Variants in TBC1D30 observed in about 807,000 individuals in gnomAD.
TBC1D30 encodes TBC1 domain family member 30, also known as TBC1 domain family, member 30.
In TBC1D30, 31 loss-of-function variants were observed where a neutral mutation model predicts 63.2. That is an observed-to-expected ratio of 0.49 (90% confidence interval 0.37 to 0.66). The LOEUF is 0.66. Ranked by LOEUF, TBC1D30 falls within the 30% of genes least tolerant of loss-of-function variation. TBC1D30 has a pLI of 0.00. For synonymous variants in TBC1D30, 307 were observed against 361.5 expected, an observed-to-expected ratio of 0.85 and a Z score of 1.71; for missense variants, 810 against 953.6, an observed-to-expected ratio of 0.85 and a Z score of 1.98.
chr12:64,863,257 C>T (rs1162150060), intron 8 of TBC1D30, among the ~76,000 whole-genome samples: 2 of 152,198 alleles, frequency 1.3e-5, no homozygotes, highest in African/African-American at 4.8e-5. Context: ...TTATTCCCAT[C>T]TCTCCTCTCA....
At chr12:64,852,434 T>G (rs1876953217) in intron 8 of TBC1D30, among the ~76,000 whole-genome samples, 1 of 152,064 alleles carries the variant, frequency 6.6e-6, no homozygotes, top group Non-Finnish European at 1.5e-5. Flanking sequence ...AGCTTCATGG[T>G]TCTTTAGCTC....
chr12:64,817,794 G>A (rs1873637163), intron 2 of TBC1D30, among the ~76,000 whole-genome samples: 1 of 152,158 alleles, frequency 6.6e-6, no homozygotes, highest in African/African-American at 2.4e-5. Context: ...CCTGGCACAT[G>A]GCTCATGCCT....
chr12:64,866,953 C>T (rs1318354899), intron 10 of TBC1D30, 50 bp downstream of exon 10: 2 of 1,524,786 alleles, frequency 1.3e-6, no homozygotes, highest in South Asian at 1.2e-5. Flanking sequence ...TGGTTTACTA[C>T]AATAAGAGTG....
Position 64,804,162 on chromosome 12 carries a change from T to G in TBC1D30, c.643+18117T>G, listed in dbSNP as rs1186505856. Among the ~76,000 whole-genome samples the G allele has an allele frequency of 2.0e-5, 3 of 152,374 alleles. No individual in the cohort carries two copies. The East Asian group carries it at 5.8e-4, about 29-fold the overall frequency. On this transcript the variant is annotated intron_variant, in intron 2 of 12. Transcript: ENST00000542120. The stretch of plus-strand genomic sequence containing the variant: ...TTCCATTTGTTTGTGTCCTCTTTTA[T>G]TTCGTTGAGCAGTGGTTTATAGTTA...
At chr12:64,848,501 A>T (rs958372127) in intron 8 of TBC1D30, among the ~76,000 whole-genome samples, 4 of 151,648 alleles carry the variant, frequency 2.6e-5, no homozygotes, top group African/African-American at 9.7e-5. Context: ...TTCAGCTCCC[A>T]CTTATAAGTG....
chr12:64,786,475 G>C (rs113061826), intron 2 of TBC1D30, among the ~76,000 whole-genome samples: 1 of 152,060 alleles, frequency 6.6e-6, no homozygotes, highest in East Asian at 2.0e-4. Context: ...GGAACTACAG[G>C]CGCCCGCCAC....
chr12:64,784,931 A>T (rs12314376), intron 1 of TBC1D30, among the ~76,000 whole-genome samples: 2,546 of 152,160 alleles, frequency 0.017, 31 homozygotes, highest in Middle Eastern at 0.054. Flanking sequence ...ATTGTAATTT[A>T]TCTGTGTAAA....
chr12:64,781,126 G>A, exon 1 of TBC1D30: 4 of 1,007,574 alleles, frequency 4.0e-6, no homozygotes, highest in Non-Finnish European at 3.5e-6. Context: ...GCGGGGCCGA[G>A]GGCCGCCGGC....
Position 64,819,406 on chromosome 12 carries a change from CTTTTTTTTTTTTTT to C in TBC1D30, c.644-8415_644-8402del, listed in dbSNP as rs55757950. Among the ~76,000 whole-genome samples the C allele has an allele frequency of 2.6e-4, 20 of 78,022 alleles. No homozygotes were observed. The South Asian group carries it at 2.8e-3, about 11-fold the overall frequency. 51.2% of individuals were successfully genotyped at this position (78,022 alleles called of 152,430 possible). A position where few individuals can be genotyped will look rare whatever the true frequency, so the allele number is the denominator to read the frequency against. Reference sequence around the variant, plus strand: ...CTTGGATAATGAATTGAAGGAACTACTTTTTTTTTTTTTTTTTTTTTTTTTTTGAAATGGAGTCT... The same window carrying C: ...CTTGGATAATGAATTGAAGGAACTACTTTTTTTTTTTTTGAAATGGAGTCT... On this transcript the variant is annotated intron_variant, in intron 2 of 12. Transcript: ENST00000542120.
At chr12:64,764,505 A>G (rs1357766126) in intron 1 of TBC1D30, among the ~76,000 whole-genome samples, 1 of 152,238 alleles carries the variant, frequency 6.6e-6, no homozygotes, top group Non-Finnish European at 1.5e-5. Context: ...TGCTAAAAAC[A>G]ACTAGAAAAC....
intron 2 of TBC1D30, among the ~76,000 whole-genome samples, chr12:64,808,899 A>G (rs1873040558): frequency 6.6e-6 from 1 of 152,180 alleles, no homozygotes; most frequent in East Asian, 1.9e-4. Context: ...TTAAGGCTGA[A>G]TAATATCCCA....
At chr12:64,765,143 C>T (rs532842877) in intron 1 of TBC1D30, among the ~76,000 whole-genome samples, 76 of 152,254 alleles carry the variant, frequency 5.0e-4, no homozygotes, top group Non-Finnish European at 7.2e-4. Context: ...GGGAAGACTA[C>T]GAAACCTAGA....
chr12:64,761,424 C>T (rs1870508595), intron 1 of TBC1D30, among the ~76,000 whole-genome samples: 1 of 152,100 alleles, frequency 6.6e-6, no homozygotes, highest in African/African-American at 2.4e-5. Flanking sequence ...GCTGCATTCC[C>T]AGATGGTTAT....
In TBC1D30 at chr12:64,875,199, G is replaced by A. The variant is rs993038766; in HGVS notation, c.1697G>A (p.Arg566Gln). The part of the protein sequence containing the change: ...DLKTKLNSPW[R>Q]THIRVHKKNM... ...AAGACGAAGCTCAACTCCCCGTGGC[G>A]AACTCACATCCGAGTCCACAAAAAG... Residue 566 changes from arginine to glutamine, a missense_variant, in exon 12 of 12, where the codon CGA (arginine) becomes CAA (glutamine). Transcript: ENST00000539867. 12 of 1,536,208 alleles carry A rather than the reference G, an allele frequency of 7.8e-6. No individual in the cohort carries two copies. Among genetic ancestry groups the A allele is most frequent in the Admixed American group, 2.0e-5 (1 of 50,978 alleles).
intron 5 of TBC1D30, 29 bp downstream of exon 5, chr12:64,832,333 G>T (rs1211547967): frequency 1.3e-6 from 2 of 1,522,454 alleles, no homozygotes; most frequent in Non-Finnish European, 1.8e-6. Flanking sequence ...CAAAGGCCAT[G>T]GACATTCTTC....
intron 2 of TBC1D30, among the ~76,000 whole-genome samples, chr12:64,791,142 A>T (rs1409844310): frequency 6.6e-6 from 1 of 152,256 alleles, no homozygotes; most frequent in African/African-American, 2.4e-5. Flanking sequence ...TACATCATGG[A>T]TAAACCTTGA....
intron 7 of TBC1D30, among the ~76,000 whole-genome samples, chr12:64,839,921 C>A (rs1026418233): frequency 6.9e-6 from 1 of 145,372 alleles, no homozygotes; most frequent in African/African-American, 2.6e-5. Context: ...AGGAGAATGG[C>A]GTGAACCCAG....
chr12:64,792,200 T>C (rs905229101), intron 2 of TBC1D30, among the ~76,000 whole-genome samples: 21 of 152,260 alleles, frequency 1.4e-4, no homozygotes, highest in African/African-American at 5.1e-4. Context: ...TGTATACATG[T>C]GGATATTCAC....
In TBC1D30 at chr12:64,876,797, G is replaced by A. The variant is rs1879117695; in HGVS notation, c.*1009G>A. The A allele has an allele frequency of 1.8e-5, 8 of 456,078 alleles. No individual in the cohort carries two copies. The highest frequency in any genetic ancestry group is 9.3e-5 in the South Asian group (6 of 64,558). 28.3% of individuals were successfully genotyped at this position (456,078 alleles called of 1,614,324 possible). A position where few individuals can be genotyped will look rare whatever the true frequency, so the allele number is the denominator to read the frequency against. ...CTGCCTTTCTCTGGAGAAGGCCCCA[G>A]TGCTTTCTAGCTCCCTCTCACTCCT... On this transcript the variant is annotated 3_prime_UTR_variant, in exon 12 of 12. Coordinates refer to ENST00000539867, the MANE Select transcript of TBC1D30 (RefSeq NM_015279.2).
Sources: allele counts gnomAD v4.1 joint callset (sites outside exome capture counted in the v4.1 genomes callset), GRCh38; gene constraint gnomAD v4.1.1; transcripts MANE v1.5; gene names NCBI Gene and HGNC (gene_info 2026-07-23, HGNC 2026-07-21).